Variants in DPYSL3 observed in about 807,000 individuals in gnomAD.
The protein encoded by DPYSL3 is dihydropyrimidinase like 3.
A neutral mutation model predicts 66.1 loss-of-function variants in DPYSL3; 16 were observed. The ratio of observed to expected loss-of-function variants is 0.24; its 90% CI spans 0.16 to 0.37. The LOEUF is 0.37. Among genes scored for constraint, DPYSL3 ranks in the 10% least tolerant of loss-of-function variants. DPYSL3 has a pLI of 1.00. For missense variants in DPYSL3, 738 were observed against 916.2 expected, an observed-to-expected ratio of 0.81 and a Z score of 2.51; for synonymous variants, 338 against 345.1, an observed-to-expected ratio of 0.98 and a Z score of 0.23.
intron 1 of DPYSL3, among the ~76,000 whole-genome samples, chr5:147,502,725 T>C (rs1401858513): frequency 1.3e-5 from 2 of 151,888 alleles, no homozygotes; most frequent in Non-Finnish European, 1.5e-5. Flanking sequence ...TACAGGCGCC[T>C]GCCACCATGC....
intron 1 of DPYSL3, among the ~76,000 whole-genome samples, chr5:147,502,819 G>A (rs886425898): frequency 3.9e-5 from 6 of 152,010 alleles, no homozygotes; most frequent in African/African-American, 9.7e-5. Flanking sequence ...CTCGTCATCC[G>A]CCCGCCTTGC....
intron 11 of DPYSL3, among the ~76,000 whole-genome samples, chr5:147,398,073 T>C (rs1758049654): frequency 6.6e-6 from 1 of 152,174 alleles, no homozygotes; most frequent in African/African-American, 2.4e-5. Flanking sequence ...AATAAGGTCC[T>C]CAAGTGGAAG....
At chr5:147,394,151 G>GA (rs3838662) in intron 13 of DPYSL3, 28 bp from the exon 14 acceptor site, 39,731 of 1,338,530 alleles carry the variant, frequency 0.03, 927 homozygotes, top group East Asian at 0.2. Flanking sequence ...TTCCCAGGGG[G>GA]AAAAAAAAAA....
intron 1 of DPYSL3, among the ~76,000 whole-genome samples, chr5:147,434,523 G>A (rs1408054091): frequency 6.6e-6 from 1 of 152,134 alleles, no homozygotes; most frequent in East Asian, 1.9e-4. Flanking sequence ...TTCAACCTAA[G>A]TCTTTATTCT....
chr5:147,441,648 G>C (rs1752535036), intron 1 of DPYSL3, among the ~76,000 whole-genome samples: 1 of 152,182 alleles, frequency 6.6e-6, no homozygotes. Flanking sequence ...AAGGAAAAAT[G>C]AGTCCTATGC....
chr5:147,490,456 A>G (rs965618669), intron 1 of DPYSL3, among the ~76,000 whole-genome samples: 27 of 152,220 alleles, frequency 1.8e-4, no homozygotes, highest in African/African-American at 6.5e-4. Flanking sequence ...ACATATCAAA[A>G]TAGAGTACCA....
At chr5:147,409,887 G>T (rs1260219616) in intron 6 of DPYSL3, among the ~76,000 whole-genome samples, 1 of 152,106 alleles carries the variant, frequency 6.6e-6, no homozygotes, top group Non-Finnish European at 1.5e-5. Context: ...ACCTGGAAAA[G>T]AACGTTCTGT....
chr5:147,410,670 A>G (rs902790463), intron 6 of DPYSL3, among the ~76,000 whole-genome samples: 2 of 152,192 alleles, frequency 1.3e-5, no homozygotes, highest in Non-Finnish European at 2.9e-5. Flanking sequence ...GTCGTCTTAG[A>G]CTGTTTTGCC....
At chr5:147,478,373 AAAG>A (rs755813877) in intron 1 of DPYSL3, among the ~76,000 whole-genome samples, 8 of 152,232 alleles carry the variant, frequency 5.3e-5, no homozygotes, top group Non-Finnish European at 1.2e-4. Context: ...CCTCAGTAAG[AAAG>A]AAGGAGACAA....
chr5:147,394,805 A>G (rs954956755), intron 13 of DPYSL3, among the ~76,000 whole-genome samples: 1 of 151,976 alleles, frequency 6.6e-6, no homozygotes, highest in Non-Finnish European at 1.5e-5. Flanking sequence ...GGTCTCCCTT[A>G]CCTCTTTCTC....
chr5:147,412,469 C>T (rs1191658431), intron 6 of DPYSL3, 139 bp downstream of exon 6: 10 of 761,292 alleles, frequency 1.3e-5, no homozygotes, highest in Non-Finnish European at 1.9e-5. Flanking sequence ...TTGTGAGGTA[C>T]CTTGGAGCAG....
intron 1 of DPYSL3, among the ~76,000 whole-genome samples, chr5:147,431,895 C>T (rs1752323002): frequency 1.3e-5 from 2 of 152,134 alleles, no homozygotes; most frequent in Admixed American, 1.3e-4. Context: ...CTTAAAGCTG[C>T]CTCCCACCCA....
intron 1 of DPYSL3, among the ~76,000 whole-genome samples, chr5:147,476,871 T>C (rs1265022839): frequency 1.3e-5 from 2 of 152,192 alleles, no homozygotes; most frequent in Non-Finnish European, 2.9e-5. Context: ...CACTGGGGTA[T>C]CTGGCAAAAA....
In DPYSL3 at chr5:147,391,237, G is replaced by A. The variant is rs1201863201; in HGVS notation, c.*2798C>T. 1 of 152,634 alleles carries A rather than the reference G, an allele frequency of 6.6e-6. No individual in the cohort carries two copies. The highest frequency in any genetic ancestry group is 1.5e-5 in the Non-Finnish European group (1 of 68,054). 9.5% of individuals were successfully genotyped at this position (152,634 alleles called of 1,614,324 possible). On this transcript the variant is annotated 3_prime_UTR_variant, in exon 14 of 14. Transcript: ENST00000343218. ...CCTTTGTGGAAACATGACACTCTCA[G>A]TATAGACAGTCGTGAAGAACAAGGC...
chr5:147,465,634 G>C (rs371740881), intron 1 of DPYSL3, among the ~76,000 whole-genome samples: 1 of 152,034 alleles, frequency 6.6e-6, no homozygotes, highest in Non-Finnish European at 1.5e-5. Flanking sequence ...TTATTACCCC[G>C]GGTGCTCTCA....
At chr5:147,411,829 G>A (rs755683656) in intron 6 of DPYSL3, among the ~76,000 whole-genome samples, 2 of 152,206 alleles carry the variant, frequency 1.3e-5, no homozygotes, top group Non-Finnish European at 2.9e-5. Context: ...AATAGCTACT[G>A]CCTGGCACAA....
chr5:147,465,407 C>T (rs1581207693), intron 1 of DPYSL3, among the ~76,000 whole-genome samples: 1 of 152,082 alleles, frequency 6.6e-6, no homozygotes, highest in East Asian at 1.9e-4. Context: ...TCAAGCGATT[C>T]TCCTGCCTCA....
At chr5:147,395,755 C>T in intron 12 of DPYSL3, 34 bp from the exon 13 acceptor site, 2 of 1,610,824 alleles carry the variant, frequency 1.2e-6, no homozygotes, top group Non-Finnish European at 1.7e-6. Context: ...ACCATTCATT[C>T]ATTCAGCATT....
chr5:147,440,733 C>T (rs982890569), intron 1 of DPYSL3, among the ~76,000 whole-genome samples: 1 of 152,160 alleles, frequency 6.6e-6, no homozygotes, highest in Admixed American at 6.5e-5. Context: ...TAAGTGGATT[C>T]CAGGTCACTG....
Sources: allele counts gnomAD v4.1 joint callset (sites outside exome capture counted in the v4.1 genomes callset), GRCh38; gene constraint gnomAD v4.1.1; transcripts MANE v1.5; gene names NCBI Gene and HGNC (gene_info 2026-07-23, HGNC 2026-07-21).